Variants in TNR observed in about 807,000 individuals in gnomAD.
The protein encoded by TNR is tenascin R.
A neutral mutation model predicts 150.4 loss-of-function variants in TNR; 45 were observed. That is an observed-to-expected ratio of 0.30 (90% CI 0.24 to 0.38). The LOEUF is 0.38. TNR is among the 10% of genes least tolerant of loss of function. The probability of loss-of-function intolerance (pLI) is 1.00; values close to 1 mark genes in which losing one functional copy is unlikely to be tolerated. For synonymous variants in TNR, 687 were observed against 678.4 expected (o/e 1.01, Z -0.20); for missense variants, 1,544 against 1,759.1 (o/e 0.88, Z 2.19).
intron 2 of TNR, among the ~76,000 whole-genome samples, chr1:175,470,527 G>A (rs1381272762): frequency 6.6e-6 from 1 of 151,866 alleles, no homozygotes; most frequent in Non-Finnish European, 1.5e-5. Context: ...ATTTTTGTGG[G>A]TACATAGTAG....
intron 2 of TNR, among the ~76,000 whole-genome samples, chr1:175,521,693 G>C (rs1463146349): frequency 2.0e-5 from 3 of 151,978 alleles, no homozygotes; most frequent in African/African-American, 7.3e-5. Context: ...GAGGTGTCAT[G>C]CTCATTTGGC....
At chr1:175,553,956 C>T (rs1243470218) in intron 1 of TNR, among the ~76,000 whole-genome samples, 2 of 152,074 alleles carry the variant, frequency 1.3e-5, no homozygotes, top group Non-Finnish European at 2.9e-5. Flanking sequence ...AGGCATCCCA[C>T]AAAATGAACA....
chr1:175,475,864 C>A (rs1657526151), intron 2 of TNR, among the ~76,000 whole-genome samples: 1 of 152,148 alleles, frequency 6.6e-6, no homozygotes, highest in South Asian at 2.1e-4. Context: ...TTTGAGCAAT[C>A]TAAGGACTAA....
At chr1:175,706,342 C>T (rs1252007810) in intron 1 of TNR, among the ~76,000 whole-genome samples, 6 of 152,224 alleles carry the variant, frequency 3.9e-5, no homozygotes, top group East Asian at 1.9e-4. Flanking sequence ...CCAAATCAAA[C>T]AGCATCATTA....
intron 1 of TNR, among the ~76,000 whole-genome samples, chr1:175,579,935 G>T (rs1363488729): frequency 6.6e-6 from 1 of 151,972 alleles, no homozygotes; most frequent in Non-Finnish European, 1.5e-5. Context: ...GGTCCCCATG[G>T]CAACTTAGAC....
At chr1:175,470,310 G>A (rs1217625071) in intron 2 of TNR, among the ~76,000 whole-genome samples, 3 of 152,066 alleles carry the variant, frequency 2.0e-5, no homozygotes, top group Non-Finnish European at 4.4e-5. Flanking sequence ...AAATGACATA[G>A]GGGGATCATC....
At chr1:175,632,623 T>C (rs758771190) in intron 1 of TNR, among the ~76,000 whole-genome samples, 26 of 152,224 alleles carry the variant, frequency 1.7e-4, no homozygotes, top group Middle Eastern at 3.2e-3. Flanking sequence ...ACAATAAGTT[T>C]TGGTGTTAAA....
At chr1:175,637,068 A>G (rs1055142173) in intron 1 of TNR, among the ~76,000 whole-genome samples, 2 of 152,222 alleles carry the variant, frequency 1.3e-5, no homozygotes, top group African/African-American at 4.8e-5. Flanking sequence ...ATTTGCTTGC[A>G]ATATCAGCCA....
intron 1 of TNR, among the ~76,000 whole-genome samples, chr1:175,637,697 T>G (rs1158261996): frequency 6.6e-6 from 1 of 152,196 alleles, no homozygotes; most frequent in Non-Finnish European, 1.5e-5. Flanking sequence ...GCTGGATAAT[T>G]AAGTGTTGGA....
chr1:175,550,358 G>T (rs1194536752), intron 1 of TNR, among the ~76,000 whole-genome samples: 1 of 152,126 alleles, frequency 6.6e-6, no homozygotes, highest in Non-Finnish European at 1.5e-5. Context: ...GGAGGCAAAT[G>T]GTTACCCTCT....
chr1:175,403,805 T>C (rs1021252785), intron 3 of TNR, among the ~76,000 whole-genome samples, 189 bp from the exon 4 acceptor site: 6 of 152,214 alleles, frequency 3.9e-5, no homozygotes, highest in African/African-American at 1.4e-4. Flanking sequence ...TGTCTGTGCC[T>C]AGCACAGGGC....
chr1:175,578,992 T>C (rs1206433049), intron 1 of TNR, among the ~76,000 whole-genome samples: 2 of 152,206 alleles, frequency 1.3e-5, no homozygotes, highest in East Asian at 3.9e-4. Context: ...TTGGCCACAG[T>C]GCTACCACCA....
At chr1:175,616,463 C>A (rs972408226) in intron 1 of TNR, among the ~76,000 whole-genome samples, 1 of 152,144 alleles carries the variant, frequency 6.6e-6, no homozygotes, top group African/African-American at 2.4e-5. Context: ...GTGAAAGTGG[C>A]CACCTCTCTG....
chr1:175,698,952 C>G (rs1213399875), intron 1 of TNR, among the ~76,000 whole-genome samples: 1 of 152,158 alleles, frequency 6.6e-6, no homozygotes, highest in Non-Finnish European at 1.5e-5. Context: ...ACAATATGAT[C>G]TAATTTGATC....
At chr1:175,441,478 T>G (rs1432269591) in intron 2 of TNR, among the ~76,000 whole-genome samples, 1 of 152,222 alleles carries the variant, frequency 6.6e-6, no homozygotes, top group Non-Finnish European at 1.5e-5. Context: ...TTGTTAATAA[T>G]ACCAGGTACT....
chr1:175,399,834 A>AT (rs1653614235), intron 4 of TNR, among the ~76,000 whole-genome samples: 1 of 152,090 alleles, frequency 6.6e-6, no homozygotes, highest in Non-Finnish European at 1.5e-5. Flanking sequence ...TCCTCTTTAG[A>AT]TTTTGCATAA....
intron 1 of TNR, among the ~76,000 whole-genome samples, chr1:175,731,065 G>A (rs1056599290): frequency 6.6e-6 from 1 of 152,144 alleles, no homozygotes; most frequent in African/African-American, 2.4e-5. Context: ...GTAATAAGAG[G>A]ACCTGAGAGG....
intron 1 of TNR, among the ~76,000 whole-genome samples, chr1:175,635,852 A>G (rs1448868513): frequency 6.6e-6 from 1 of 152,206 alleles, no homozygotes; most frequent in Non-Finnish European, 1.5e-5. Context: ...TGTTTTAGAA[A>G]TATGAAAAAT....
At chr1:175,598,843 T>G (rs986089526) in intron 1 of TNR, among the ~76,000 whole-genome samples, 5 of 152,222 alleles carry the variant, frequency 3.3e-5, no homozygotes, top group Non-Finnish European at 5.9e-5. Context: ...TGTAAATCAC[T>G]CTGCCACTCT....
Sources: gnomAD v4.1 joint callset for allele counts (sites outside exome capture counted in the v4.1 genomes callset) on GRCh38, gnomAD v4.1.1 for gene constraint, MANE v1.5 for transcripts, NCBI Gene and HGNC (gene_info 2026-07-23, HGNC 2026-07-21) for gene names.